Variants in GRIK4 observed in about 807,000 individuals in gnomAD.
The protein encoded by GRIK4 is glutamate receptor ionotropic, kainate 4.
GRIK4 carries 40 observed loss-of-function variants against 104.9 expected under a neutral mutation model. The observed-to-expected ratio is 0.38, with a 90% CI of 0.30 to 0.50. The LOEUF (loss-of-function observed/expected upper bound fraction) is 0.50. Among genes scored for constraint, GRIK4 ranks in the 20% least tolerant of loss-of-function variants. The probability of loss-of-function intolerance (pLI) is 0.93; values close to 1 mark genes in which losing one functional copy is unlikely to be tolerated. For missense variants in GRIK4, 1,047 were observed against 1,308.1 expected (o/e 0.80, Z 3.08); for synonymous variants, 485 against 524.9 (o/e 0.92, Z 1.04).
chr11:120,739,331 A>G (rs1228681587), intron 3 of GRIK4, among the ~76,000 whole-genome samples: 1 of 152,246 alleles, frequency 6.6e-6, no homozygotes, highest in Non-Finnish European at 1.5e-5. Context: ...GGCCAATCTT[A>G]GCTGATCTGG....
intron 3 of GRIK4, among the ~76,000 whole-genome samples, chr11:120,752,955 G>A (rs61080972): frequency 0.02 from 3,036 of 152,350 alleles, 101 homozygotes; most frequent in African/African-American, 0.067. Flanking sequence ...GCCGGAAGAT[G>A]GCCTGGAGGT....
intron 19 of GRIK4, among the ~76,000 whole-genome samples, chr11:120,972,101 T>C (rs1357328200): frequency 6.6e-6 from 1 of 152,230 alleles, no homozygotes; most frequent in Non-Finnish European, 1.5e-5. Flanking sequence ...ATTTATTTAA[T>C]GTAAGAATTT....
chr11:120,730,783 T>C (rs983544867), intron 3 of GRIK4, among the ~76,000 whole-genome samples: 7 of 152,202 alleles, frequency 4.6e-5, no homozygotes, highest in Non-Finnish European at 1.0e-4. Flanking sequence ...CTTTCACCTC[T>C]TTAGTTAAAT....
Position 120,560,590 on chromosome 11 carries a change from C to T in GRIK4, c.-159+48703C>T, listed in dbSNP as rs115878448. 2.4e-3 allele frequency among the ~76,000 whole-genome samples: 360 copies of T among 152,266 alleles called. 1 individual carries two copies. Among genetic ancestry groups the T allele is most frequent in the African/African-American group, 8.5e-3 (352 of 41,552 alleles). On this transcript the variant is annotated intron_variant, in intron 1 of 20. Transcript: ENST00000527524. ...GAAGAAAGAGTGTTTCCATCAGGCACACACAAGAGACAGTATGATAGTAAG... is the reference window on the plus strand; with the variant it reads ...GAAGAAAGAGTGTTTCCATCAGGCATACACAAGAGACAGTATGATAGTAAG...
intron 8 of GRIK4, among the ~76,000 whole-genome samples, chr11:120,841,812 T>C (rs1241080008): frequency 1.3e-5 from 2 of 152,226 alleles, no homozygotes; most frequent in African/African-American, 4.8e-5. Context: ...GCCATCTCGA[T>C]GGGTGTCAAG....
At chr11:120,711,007 G>GGGGGT (rs762944200) in intron 3 of GRIK4, among the ~76,000 whole-genome samples, 1 of 148,976 alleles carries the variant, frequency 6.7e-6, no homozygotes, top group East Asian at 2.0e-4. Context: ...TGGGGAGGGG[G>GGGGGT]TGTGAGCAGC....
chr11:120,906,862 G>A (rs1942879377), intron 13 of GRIK4, among the ~76,000 whole-genome samples: 1 of 152,214 alleles, frequency 6.6e-6, no homozygotes, highest in Non-Finnish European at 1.5e-5. Flanking sequence ...CAGGGTGACT[G>A]GAGTCCAGAG....
intron 19 of GRIK4, among the ~76,000 whole-genome samples, chr11:120,977,538 A>G (rs1944581392): frequency 2.0e-5 from 3 of 152,172 alleles, no homozygotes; most frequent in African/African-American, 7.2e-5. Flanking sequence ...CTGTTTTTCA[A>G]CTCTGACTCT....
intron 3 of GRIK4, among the ~76,000 whole-genome samples, chr11:120,669,035 C>T (rs899939087): frequency 6.6e-6 from 1 of 152,180 alleles, no homozygotes; most frequent in Non-Finnish European, 1.5e-5. Flanking sequence ...ATCACCCTTC[C>T]TCATTTCTCC....
chr11:120,866,088 C>G (rs1359342305), intron 9 of GRIK4, among the ~76,000 whole-genome samples: 2 of 152,194 alleles, frequency 1.3e-5, no homozygotes, highest in African/African-American at 4.8e-5. Flanking sequence ...CATCCACCCC[C>G]TTTATCCAAC....
intron 3 of GRIK4, among the ~76,000 whole-genome samples, chr11:120,734,634 C>T (rs770315383): frequency 2.0e-5 from 3 of 152,000 alleles, no homozygotes; most frequent in Non-Finnish European, 4.4e-5. Context: ...AACTTTCTAC[C>T]CCTGTCTATT....
intron 3 of GRIK4, among the ~76,000 whole-genome samples, chr11:120,741,772 G>A (rs1591854488): frequency 6.6e-6 from 1 of 152,302 alleles, no homozygotes; most frequent in East Asian, 1.9e-4. Context: ...ACATGCACAG[G>A]CAAGCACAGA....
At chr11:120,526,555 G>A (rs537798354) in intron 1 of GRIK4, among the ~76,000 whole-genome samples, 7 of 152,146 alleles carry the variant, frequency 4.6e-5, no homozygotes, top group Non-Finnish European at 7.4e-5. Flanking sequence ...TTTTTAGGCC[G>A]GGCACAGTGG....
chr11:120,611,268 T>A (rs1350789368), intron 1 of GRIK4, among the ~76,000 whole-genome samples: 1 of 152,190 alleles, frequency 6.6e-6, no homozygotes, highest in Non-Finnish European at 1.5e-5. Flanking sequence ...CTCTGCTGAT[T>A]ACTGGATGTG....
At chr11:120,540,314 C>T (rs1328190551) in intron 1 of GRIK4, among the ~76,000 whole-genome samples, 1 of 152,164 alleles carries the variant, frequency 6.6e-6, no homozygotes, top group Non-Finnish European at 1.5e-5. Context: ...TTAGGATCCT[C>T]ATGGGAGCTT....
intron 3 of GRIK4, among the ~76,000 whole-genome samples, chr11:120,771,528 C>T (rs765461096): frequency 6.6e-5 from 10 of 152,108 alleles, no homozygotes; most frequent in Non-Finnish European, 1.2e-4. Flanking sequence ...ACAGAACTTA[C>T]AATCAAAGGG....
At chr11:120,599,671 G>C (rs1277943151) in intron 1 of GRIK4, among the ~76,000 whole-genome samples, 2 of 152,208 alleles carry the variant, frequency 1.3e-5, no homozygotes. Flanking sequence ...TTTGATCAGA[G>C]GTTTGTGAAA....
intron 3 of GRIK4, among the ~76,000 whole-genome samples, chr11:120,787,208 G>A (rs1952297549): frequency 6.6e-6 from 1 of 151,510 alleles, no homozygotes; most frequent in East Asian, 1.9e-4. Flanking sequence ...GTGCTCACAT[G>A]TGGTCCCAGC....
chr11:120,625,428 G>A (rs993104815), intron 1 of GRIK4, among the ~76,000 whole-genome samples: 2 of 152,260 alleles, frequency 1.3e-5, no homozygotes, highest in Admixed American at 1.3e-4. Flanking sequence ...GGGGGAGGCG[G>A]AGAGAGAAGG....
Sources: gnomAD v4.1 joint callset for allele counts (sites outside exome capture counted in the v4.1 genomes callset) on GRCh38, gnomAD v4.1.1 for gene constraint, MANE v1.5 for transcripts, NCBI Gene and HGNC (gene_info 2026-07-23, HGNC 2026-07-21) for gene names.